Variants in ERFE observed in about 807,000 individuals in gnomAD.
ERFE encodes erythroferrone, also known as complement C1q tumor necrosis factor-related protein 15.
Under a neutral mutation model 26.6 loss-of-function variants are expected in ERFE, and 25 were observed. The observed-to-expected ratio is 0.94, with a 90% confidence interval of 0.69 to 1.31. ERFE has a LOEUF of 1.31. Ranked by LOEUF, ERFE falls within the 40% of genes most tolerant of loss-of-function variation. ERFE has a pLI of 0.00. For synonymous variants in ERFE, 206 were observed against 204.5 expected, an observed-to-expected ratio of 1.01 and a Z score of -0.06; for missense variants, 447 against 440.2, an observed-to-expected ratio of 1.02 and a Z score of -0.14.
Position 238,168,427 on chromosome 2 carries a change from G to A in ERFE, c.*1373G>A, listed in dbSNP as rs564492626. The A allele has an allele frequency of 9.2e-4, 432 of 471,102 alleles. 2 individuals are homozygous for A. The highest frequency in any genetic ancestry group is 5.1e-3 in the South Asian group (328 of 64,570). The allele number at this position is 471,102 out of a possible 1,614,324, so 29.2% of individuals were successfully genotyped here. On this transcript the variant is annotated 3_prime_UTR_variant, in exon 8 of 8. Transcript: ENST00000546354. ...TGGGAGCCAAGCTGGTCTGGCAAGG[G>A]CGCTCAGGCCTGGGAGAGAAGGGAG...
Position 238,159,067 on chromosome 2 carries a change from GGCCGCC to G in ERFE, c.69_74del (p.Ala24_Ala25del). 1 of 237,434 alleles carries G rather than the reference GGCCGCC, an allele frequency of 4.2e-6. No individual in the cohort carries two copies. Among genetic ancestry groups the G allele is most frequent in the African/African-American group, 2.3e-5 (1 of 43,042 alleles). 14.7% of individuals were successfully genotyped at this position (237,434 alleles called of 1,614,324 possible). A position where few individuals can be genotyped will look rare whatever the true frequency, so the allele number is the denominator to read the frequency against. ...TGCTGCTCGTCTACGCGGGCCTGCT[GGCCGCC>G]GCCGCCGCGGGCCTGGGGTCCCCGG... On this transcript the variant is annotated inframe_deletion, in exon 1 of 8. Transcript: ENST00000546354.
At position 238,168,227 on chromosome 2, in the gene ERFE, T is replaced by G. The variant is rs909686532; in HGVS notation, c.*1173T>G. 2 of 355,286 alleles carry G rather than the reference T, an allele frequency of 5.6e-6. No individual in the cohort carries two copies. The highest frequency in any genetic ancestry group is 4.3e-5 in the African/African-American group (2 of 46,372). The allele number at this position is 355,286 out of a possible 1,614,324, so 22.0% of individuals were successfully genotyped here. A position where few individuals can be genotyped will look rare whatever the true frequency, so the allele number is the denominator to read the frequency against. On this transcript the variant is annotated 3_prime_UTR_variant, in exon 8 of 8. Coordinates refer to ENST00000546354, the MANE Select transcript of ERFE (RefSeq NM_001291832.2). ...ACACACAGGCTGTGAGCCCGCAGCC[T>G]CCTCAAATGTAGCCTCCCACATTTT...
intron 7 of ERFE, among the ~76,000 whole-genome samples, chr2:238,165,911 G>A (rs555183088): frequency 6.6e-6 from 1 of 152,280 alleles, no homozygotes; most frequent in African/African-American, 2.4e-5. Context: ...CTTCCCCGAG[G>A]GCACCTGCCC....
intron 1 of ERFE, 126 bp from the exon 2 acceptor site, chr2:238,161,468 C>T (rs1253691878): frequency 8.0e-7 from 1 of 1,255,336 alleles, no homozygotes; most frequent in Non-Finnish European, 1.0e-6. Context: ...TTTGAGGGCA[C>T]CACAGGTGAC....
chr2:238,164,947 C>G (rs1693011807), intron 6 of ERFE, among the ~76,000 whole-genome samples: 1 of 152,194 alleles, frequency 6.6e-6, no homozygotes, highest in Non-Finnish European at 1.5e-5. Context: ...CGGGCTCCTC[C>G]TAGCCTCCCA....
At chr2:238,163,703 C>T (rs1019287022) in intron 3 of ERFE, 34 bp from the exon 4 acceptor site, 16 of 1,275,818 alleles carry the variant, frequency 1.3e-5, no homozygotes, top group Non-Finnish European at 1.6e-5. Context: ...GGTGAGGGGT[C>T]CCTGGCGCGC....
Position 238,164,261 on chromosome 2 carries a change from C to G in ERFE, c.797-9C>G. On this transcript the variant is annotated splice_polypyrimidine_tract_variant and intron_variant, in intron 5 of 7. Transcript: ENST00000546354. ...CGCCCGCTTGACCACGTCCCACCCT[C>G]CCCCGCAGCGCTCGGGGAGCCGCCG... 1 of 1,500,632 alleles carries G rather than the reference C, an allele frequency of 6.7e-7. No homozygotes were observed. The highest frequency in any genetic ancestry group is 8.8e-7 in the Non-Finnish European group (1 of 1,131,836). 93.0% of individuals were successfully genotyped at this position (1,500,632 alleles called of 1,614,324 possible).
chr2:238,160,858 G>C (rs1183341334), intron 1 of ERFE, among the ~76,000 whole-genome samples: 1 of 152,192 alleles, frequency 6.6e-6, no homozygotes, highest in Non-Finnish European at 1.5e-5. Flanking sequence ...CTTGCCTGGA[G>C]CCCAGATAGC....
rs1373662380 is a variant in ERFE, at chr2:238,167,545, G to T, written c.*491G>T. ...GTACGCTGTGTGTTCTTACTGCTTAGAAGGGACGGGGTCACTCACCACTCC... is the reference window on the plus strand; with the variant it reads ...GTACGCTGTGTGTTCTTACTGCTTATAAGGGACGGGGTCACTCACCACTCC... On this transcript the variant is annotated 3_prime_UTR_variant, in exon 8 of 8. Transcript: ENST00000546354. 1 of 429,612 alleles carries T rather than the reference G, an allele frequency of 2.3e-6. No individual in the cohort carries two copies. Among genetic ancestry groups the T allele is most frequent in the East Asian group, 7.1e-5 (1 of 14,068 alleles). 26.6% of individuals were successfully genotyped at this position (429,612 alleles called of 1,614,324 possible).
At chr2:238,164,931 G>C (rs1223590753) in intron 6 of ERFE, among the ~76,000 whole-genome samples, 1 of 152,008 alleles carries the variant, frequency 6.6e-6, no homozygotes, top group African/African-American at 2.4e-5. Flanking sequence ...CCAGGTCCTA[G>C]GAGGCCGGGC....
In ERFE at chr2:238,167,992, G is replaced by A. The variant is rs78016939; in HGVS notation, c.*938G>A. On this transcript the variant is annotated 3_prime_UTR_variant, in exon 8 of 8. Transcript: ENST00000546354. ...TAGCTGAAGCAGAGTCTTCCACCAGGGGTGCCAGGGCCTGGCTGGGTCCAG... is the reference window on the plus strand; with the variant it reads ...TAGCTGAAGCAGAGTCTTCCACCAGAGGTGCCAGGGCCTGGCTGGGTCCAG... 6.2e-3 allele frequency: 1,151 copies of A among 185,782 alleles called. 11 individuals carry two copies. The highest frequency in any genetic ancestry group is 0.026 in the African/African-American group (1,079 of 42,270). The allele number at this position is 185,782 out of a possible 1,614,324, so 11.5% of individuals were successfully genotyped here.
chr2:238,160,871 A>G (rs1018519132), intron 1 of ERFE, among the ~76,000 whole-genome samples: 4 of 152,172 alleles, frequency 2.6e-5, no homozygotes, highest in Admixed American at 6.5e-5. Flanking sequence ...CAGATAGCCC[A>G]AGGCCTCTCC....
rs771418900 is a variant in ERFE, at chr2:238,164,316, C to T, written c.843C>T (p.His281=). 4.8e-5 allele frequency: 73 copies of T among 1,532,642 alleles called. 1 individual carries two copies. The South Asian group carries it at 8.1e-4, about 17-fold the overall frequency. The allele number at this position is 1,532,642 out of a possible 1,614,324, so 94.9% of individuals were successfully genotyped here. ...PRRGPPRPRD[H]LRLLICIQSR... ...GGGGGCCGCCGCGCCCCCGGGACCA[C>T]CTGCGCCTGCTCATCTGCATCCAGT... is the stretch of plus-strand genomic sequence containing the variant. Residue 281 remains histidine, a synonymous_variant, in exon 6 of 8, where the codon CAC becomes CAT. Transcript: ENST00000546354.
At chr2:238,166,586 A>G (rs931478164) in intron 7 of ERFE, among the ~76,000 whole-genome samples, 1 of 152,224 alleles carries the variant, frequency 6.6e-6, no homozygotes, top group Admixed American at 6.5e-5. Flanking sequence ...GTTTCACGGA[A>G]GGCTCTGCCA....
intron 2 of ERFE, 130 bp downstream of exon 2, chr2:238,161,846 C>T: frequency 1.5e-6 from 2 of 1,294,342 alleles, no homozygotes; most frequent in Non-Finnish European, 2.0e-6. Context: ...GGACAGAGAA[C>T]AGAGAGAACC....
chr2:238,164,418 A>C, intron 6 of ERFE, 58 bp downstream of exon 6: 4 of 1,509,100 alleles, frequency 2.7e-6, no homozygotes, highest in Non-Finnish European at 2.7e-6. Context: ...CACAAGCTGG[A>C]GGTGGTTAAA....
In ERFE at chr2:238,166,995, G is replaced by T; in HGVS notation, c.1006G>T (p.Gly336Cys). ...WTSVFLDNAS[G>C]CSLTVRSGSH... ...CTCCGTGTTCTTGGACAACGCCAGC[G>T]GCTGCTCCCTCACAGTGCGCAGTGG... Residue 336 changes from glycine (G) to cysteine (C), a missense_variant, in exon 8 of 8, where the codon GGC becomes TGC. Transcript: ENST00000546354. 1.3e-6 allele frequency: 2 copies of T among 1,550,528 alleles called. No homozygotes were observed. Among genetic ancestry groups the T allele is most frequent in the East Asian group, 4.9e-5 (2 of 40,914 alleles).
chr2:238,159,922 G>A (rs1692912741), intron 1 of ERFE, among the ~76,000 whole-genome samples: 1 of 152,186 alleles, frequency 6.6e-6, no homozygotes, highest in African/African-American at 2.4e-5. Context: ...AGATGCTCAG[G>A]GGCAGTAGAG....
rs1376264801 is a variant in ERFE, at chr2:238,167,446, C to T, written c.*392C>T. 6.2e-6 allele frequency: 3 copies of T among 485,650 alleles called. No individual in the cohort carries two copies. The highest frequency in any genetic ancestry group is 6.1e-5 in the East Asian group (1 of 16,436). 30.1% of individuals were successfully genotyped at this position (485,650 alleles called of 1,614,324 possible). On this transcript the variant is annotated 3_prime_UTR_variant, in exon 8 of 8. Coordinates refer to ENST00000546354, the MANE Select transcript of ERFE (RefSeq NM_001291832.2). ...CCTCTCTTCATGTTCTCATGGAGTGCAAAGTGCACCAGCCAGGGCCCCTAC... is the reference window on the plus strand; with the variant it reads ...CCTCTCTTCATGTTCTCATGGAGTGTAAAGTGCACCAGCCAGGGCCCCTAC...
Sources: gnomAD v4.1 joint callset for allele counts (sites outside exome capture counted in the v4.1 genomes callset) on GRCh38, gnomAD v4.1.1 for gene constraint, MANE v1.5 for transcripts, NCBI Gene and HGNC (gene_info 2026-07-23, HGNC 2026-07-21) for gene names.